The following ZFP64 variants were observed in gnomAD, a reference collection of about 807,000 sequenced individuals.
The protein encoded by ZFP64 is zinc finger protein 64.
ZFP64 carries 14 observed loss-of-function variants against 51.6 expected under a neutral mutation model. The ratio of observed to expected loss-of-function variants is 0.27; its 90% CI spans 0.18 to 0.42. The LOEUF is 0.42. Ranked by LOEUF, ZFP64 falls within the 10% of genes least tolerant of loss-of-function variation. The pLI is 1.00. For missense variants in ZFP64, 754 were observed against 906.8 expected, an observed-to-expected ratio of 0.83 and a Z score of 2.16; for synonymous variants, 375 against 361.4, an observed-to-expected ratio of 1.04 and a Z score of -0.43.
At chr20:52,185,942 T>G (rs1983933471) in intron 2 of ZFP64, among the ~76,000 whole-genome samples, 1 of 152,208 alleles carries the variant, frequency 6.6e-6, no homozygotes, top group Admixed American at 6.5e-5. Flanking sequence ...AAGAGGGATT[T>G]AGGCCTTAAT....
chr20:52,125,895 T>G (rs1338805269), intron 5 of ZFP64, among the ~76,000 whole-genome samples: 1 of 152,142 alleles, frequency 6.6e-6, no homozygotes, highest in Non-Finnish European at 1.5e-5. Context: ...TTTGTTTTTT[T>G]TTTTGAGACA....
rs1172885146 is a variant in ZFP64, at chr20:52,085,235, G to T, written c.1260C>A (p.Ser420Arg). 1.2e-6 allele frequency: 2 copies of T among 1,613,808 alleles called. No homozygotes were observed. Among genetic ancestry groups the T allele is most frequent in the Non-Finnish European group, 8.5e-7 (1 of 1,179,894 alleles). ...AGTCCGAGCTGATTTTGAACTTGGC[G>T]CTACAGAGCCAGCACTGGAAGGGGG... Residue 420 changes from serine to arginine, a missense_variant, in exon 9 of 9, where the codon AGC (serine) becomes AGA (arginine). Ser to Arg is a moderately radical substitution (Grantham distance 110, BLOSUM62 -1). Coordinates refer to the ZFP64 transcript ENST00000361387. This position sits in a 1 kb window ranked among gnomAD's most constrained non-coding sequence, Gnocchi z 4.3.
At chr20:52,110,040 A>C (rs2122809101) in intron 5 of ZFP64, among the ~76,000 whole-genome samples, 1 of 152,128 alleles carries the variant, frequency 6.6e-6, no homozygotes, top group East Asian at 1.9e-4. Flanking sequence ...CTTTAATTGA[A>C]TCCAAATTAC....
In ZFP64 at chr20:52,106,943, A is replaced by G. The variant is rs567878212; in HGVS notation, c.764-8356T>C. Among the ~76,000 whole-genome samples, 25 of 152,256 alleles carry G rather than the reference A, an allele frequency of 1.6e-4. No individual in the cohort carries two copies. In the East Asian group the frequency reaches 4.8e-3, roughly 29 times the overall value. ...GGAACCTTGTCTCTACTAAAAATAC[A>G]AAAAATTAGCCGGGCATGGTGGCGG... On this transcript the variant is annotated intron_variant, in intron 5 of 8. Transcript: ENST00000361387.
intron 5 of ZFP64, among the ~76,000 whole-genome samples, chr20:52,119,819 C>T (rs892999260): frequency 1.1e-4 from 17 of 151,918 alleles, no homozygotes; most frequent in Non-Finnish European, 1.3e-4. Context: ...TTTTGAGAAA[C>T]CTTAGTCTGA....
At chr20:52,175,816 G>T in intron 2 of ZFP64, 1 of 716,934 alleles carries the variant, frequency 1.4e-6, no homozygotes, top group Non-Finnish European at 1.7e-6. Flanking sequence ...ACTCCAGCCT[G>T]GGTGGCAGAG....
chr20:52,151,905 C>T lies in ZFP64; in HGVS notation c.*241G>A, dbSNP rs932729403. The T allele has an allele frequency of 7.6e-6, 8 of 1,046,452 alleles. No homozygotes were observed. In the East Asian group the frequency reaches 1.1e-4, roughly 14 times the overall value. 64.8% of individuals were successfully genotyped at this position (1,046,452 alleles called of 1,614,324 possible). A position where few individuals can be genotyped will look rare whatever the true frequency, so the allele number is the denominator to read the frequency against. On this transcript the variant is annotated 3_prime_UTR_variant, in exon 6 of 6. Transcript: ENST00000216923. ...TACAAAAATTAGCCAGTCATGATGT[C>T]GTACACCTGTGGTCCCAGCTACTCG...
chr20:52,098,493 C>A (rs1190938515), exon 6 of ZFP64: 3 of 1,614,112 alleles, frequency 1.9e-6, no homozygotes, highest in Admixed American at 1.7e-5. Flanking sequence ...GTTCCCTTGC[C>A]TCTGAGGGAA....
At chr20:52,188,308 C>CTTTTT (rs1164512289) in intron 1 of ZFP64, among the ~76,000 whole-genome samples, 382 of 104,226 alleles carry the variant, frequency 3.7e-3, no homozygotes, top group Non-Finnish European at 5.4e-3. Context: ...CTTTTTCTTT[C>CTTTTT]TTTTTTTTTT....
At chr20:52,128,984 G>C (rs556870458) in intron 5 of ZFP64, among the ~76,000 whole-genome samples, 2 of 152,198 alleles carry the variant, frequency 1.3e-5, no homozygotes, top group Middle Eastern at 3.4e-3. Flanking sequence ...CACGATCTGG[G>C]CTCACTGCTA....
At chr20:52,190,126 G>T (rs956337778) in intron 1 of ZFP64, among the ~76,000 whole-genome samples, 3 of 152,292 alleles carry the variant, frequency 2.0e-5, no homozygotes, top group Admixed American at 6.5e-5. Flanking sequence ...AAGCCATCTT[G>T]CAGGGATACA....
chr20:52,094,575 A>G (rs1426449471), intron 7 of ZFP64, among the ~76,000 whole-genome samples: 3 of 152,134 alleles, frequency 2.0e-5, no homozygotes, highest in African/African-American at 7.2e-5. Flanking sequence ...AGCCTTGACA[A>G]TAGTGAGACC....
At chr20:52,119,410 A>G (rs867591124) in intron 5 of ZFP64, among the ~76,000 whole-genome samples, 25 of 151,172 alleles carry the variant, frequency 1.7e-4, no homozygotes, top group South Asian at 6.3e-4. Flanking sequence ...CAGCTACTCA[A>G]CTACTCAGGA....
chr20:52,108,861 AACACACACACAC>A (rs57127987), intron 5 of ZFP64, among the ~76,000 whole-genome samples: 82 of 139,750 alleles, frequency 5.9e-4, no homozygotes, highest in Non-Finnish European at 7.4e-4. Flanking sequence ...GAAAATCTGA[AACACACACACAC>A]ACACACACAC....
chr20:52,187,929 C>T (rs2123137266), intron 1 of ZFP64, among the ~76,000 whole-genome samples: 1 of 152,290 alleles, frequency 6.6e-6, no homozygotes, highest in Admixed American at 6.5e-5. Context: ...CATACTCACC[C>T]AAAACACATA....
At chr20:52,142,377 G>GACACACACACACACACGCGCACAC (rs749072185) in intron 5 of ZFP64, among the ~76,000 whole-genome samples, 14 of 118,370 alleles carry the variant, frequency 1.2e-4, no homozygotes, top group African/African-American at 3.6e-4. Flanking sequence ...CACACACACA[G>GACACACACACACACACGCGCACAC]ACACACACAC....
rs772131488 is a variant in ZFP64, at chr20:52,111,012, G to A, written c.764-12425C>T. 18 of 1,474,334 alleles carry A rather than the reference G, an allele frequency of 1.2e-5. No individual in the cohort carries two copies. The African/African-American group carries it at 1.7e-4, about 14-fold the overall frequency. 91.3% of individuals were successfully genotyped at this position (1,474,334 alleles called of 1,614,324 possible). A position where few individuals can be genotyped will look rare whatever the true frequency, so the allele number is the denominator to read the frequency against. On this transcript the variant is annotated intron_variant, in intron 5 of 8. Coordinates refer to the ZFP64 transcript ENST00000361387. Reference sequence around the variant, plus strand: ...CCTTGTAGAAAGTGACCGTATCCAGGGGAAGGGCGCGCTTGGTGTGCAGGC... The same window carrying A: ...CCTTGTAGAAAGTGACCGTATCCAGAGGAAGGGCGCGCTTGGTGTGCAGGC...
intron 2 of ZFP64, among the ~76,000 whole-genome samples, chr20:52,175,054 C>T (rs1208250007): frequency 6.6e-6 from 1 of 151,996 alleles, no homozygotes; most frequent in Non-Finnish European, 1.5e-5. Context: ...CTCATTTTTT[C>T]TATTGGAATT....
rs1041296412 is a variant in ZFP64 at position 52,191,215 on chromosome 20, A to G, written c.46+376T>C. On this transcript the variant is annotated intron_variant, in intron 1 of 5. Transcript: ENST00000216923. The surrounding 1 kb of genome is among the most constrained non-coding windows in gnomAD (Gnocchi z 4.3). ...GAGCCACTGAGGCAGAAGTTTTCCCATCAGTGTTGCCCCGTTTACCCTAGA... is the reference window on the plus strand; with the variant it reads ...GAGCCACTGAGGCAGAAGTTTTCCCGTCAGTGTTGCCCCGTTTACCCTAGA... 5.3e-5 allele frequency among the ~76,000 whole-genome samples: 8 copies of G among 152,034 alleles called. No homozygotes were observed. Among genetic ancestry groups the G allele is most frequent in the Admixed American group, 3.9e-4 (6 of 15,270 alleles).
Sources: gnomAD v4.1 joint callset for allele counts (sites outside exome capture counted in the v4.1 genomes callset) on GRCh38, gnomAD v4.1.1 for gene constraint, Gnocchi (gnomAD v3.1) non-coding constraint, MANE v1.5 for transcripts, NCBI Gene and HGNC (gene_info 2026-07-23, HGNC 2026-07-21) for gene names.